The following CEP250 variants were observed in gnomAD, a reference collection of about 807,000 sequenced individuals.
CEP250 encodes the protein centrosomal protein 250, also known as centrosome-associated protein CEP250.
A neutral mutation model predicts 315.7 loss-of-function variants in CEP250; 242 were observed. That is an observed-to-expected ratio of 0.77 (90% CI 0.69 to 0.85). CEP250 has a LOEUF of 0.85. CEP250 is among the 40% of genes least tolerant of loss of function. The probability of loss-of-function intolerance (pLI) is 0.00; values close to 1 mark genes in which losing one functional copy is unlikely to be tolerated. For missense variants in CEP250, 2,515 were observed against 2,886.4 expected (o/e 0.87, Z 2.95); for synonymous variants, 1,088 against 1,175.0 (o/e 0.93, Z 1.51).
upstream of CEP250, chr20:35,455,519 G>A (rs530271010): frequency 7.2e-5 from 11 of 152,464 alleles, no homozygotes; most frequent in East Asian, 1.9e-3. Context: ...CTGGGAGGGT[G>A]AGGCGCCGCG....
At position 35,502,707 on chromosome 20, in the gene CEP250, A is replaced by G. The variant is rs2064045572; in HGVS notation, c.4338A>G (p.Glu1446=). 1 of 1,614,252 alleles carries G rather than the reference A, an allele frequency of 6.2e-7. No individual in the cohort carries two copies. Residue 1446 remains glutamate (E), a synonymous_variant, in exon 30 of 35, where the codon GAA becomes GAG. Transcript: ENST00000397527. ...EVETLRGQIQ[E]LEKQREMQKA... ...AGACTCTGCGGGGACAAATCCAGGA[A>G]CTGGAGAAGCAACGGGAAATGCAGA...
intron 20 of CEP250, among the ~76,000 whole-genome samples, chr20:35,485,460 A>G (rs1263441616): frequency 6.6e-6 from 1 of 151,542 alleles, no homozygotes; most frequent in Non-Finnish European, 1.5e-5. Flanking sequence ...ACATACTATA[A>G]TTTGTTAACC....
chr20:35,496,675 T>TG lies in CEP250; in HGVS notation c.3267dup (p.Gln1090AlafsTer27). The TG allele has an allele frequency of 6.2e-7, 1 of 1,614,094 alleles. No homozygotes were observed. ...GAGCTGAGTGCCCTGCGCCAGGACA[T>TG]GCAGGAGGCCCAGGGAGAACAGAAA... On this transcript the variant is annotated frameshift_variant, in exon 25 of 35. Transcript: ENST00000397527. LOFTEE classifies it high-confidence loss of function.
At chr20:35,509,184 C>T (rs562622633) in intron 33 of CEP250, 140 bp downstream of exon 33, 26 of 683,298 alleles carry the variant, frequency 3.8e-5, no homozygotes, top group African/African-American at 1.6e-4. Context: ...CTGCCCTGCT[C>T]GGCACAGCTC....
Position 35,502,687 on chromosome 20 carries a change from C to T in CEP250, c.4318C>T (p.Leu1440=). The T allele has an allele frequency of 6.2e-7, 1 of 1,614,258 alleles. No homozygotes were observed. The highest frequency in any genetic ancestry group is 8.5e-7 in the Non-Finnish European group (1 of 1,180,046). ...LAEREEEVET[L]RGQIQELEKQ... ...TGAAAGAGAAGAGGAGGTGGAGACT[C>T]TGCGGGGACAAATCCAGGAACTGGA... Residue 1440 remains leucine (L), a synonymous_variant, in exon 30 of 35, where the codon CTG becomes TTG. Coordinates refer to ENST00000397527, the MANE Select transcript of CEP250 (RefSeq NM_007186.6).
intron 20 of CEP250, among the ~76,000 whole-genome samples, chr20:35,483,320 CA>C (rs200289489): frequency 0.044 from 6,546 of 147,844 alleles, 372 homozygotes; most frequent in African/African-American, 0.13. Context: ...AACTCCGTCT[CA>C]AAAAAAAAAA....
rs2063445457 is a variant in CEP250, at chr20:35,484,378, C to T, written c.2586+4233C>T. Reference sequence around the variant, plus strand: ...AAGTTTTTTGACCCACAGTCAGGCCCAGACCCCATGTGCAGCTCAGCTTGT... The same window carrying T: ...AAGTTTTTTGACCCACAGTCAGGCCTAGACCCCATGTGCAGCTCAGCTTGT... On this transcript the variant is annotated intron_variant, in intron 20 of 34. Coordinates refer to ENST00000397527, the MANE Select transcript of CEP250 (RefSeq NM_007186.6). 3.9e-5 allele frequency among the ~76,000 whole-genome samples: 6 copies of T among 152,096 alleles called. No individual in the cohort carries two copies. In the South Asian group the frequency reaches 1.2e-3, roughly 32 times the overall value.
intron 1 of CEP250, among the ~76,000 whole-genome samples, chr20:35,456,130 G>A (rs1160104862): frequency 6.6e-6 from 1 of 152,184 alleles, no homozygotes; most frequent in Non-Finnish European, 1.5e-5. Flanking sequence ...CCCGACCTCA[G>A]GTGATCCGCC....
At chr20:35,508,336 C>A in intron 32 of CEP250, 146 bp downstream of exon 32, 2 of 867,424 alleles carry the variant, frequency 2.3e-6, no homozygotes, top group Non-Finnish European at 3.5e-6. Flanking sequence ...TTTCCCGAGA[C>A]AGAGTCTTGC....
At chr20:35,459,846 A>C (rs1208508800) in intron 2 of CEP250, 137 bp from the exon 3 acceptor site, 1 of 152,100 alleles carries the variant, frequency 6.6e-6, no homozygotes, top group African/African-American at 2.4e-5. Context: ...TGGGATAGGG[A>C]TTCAACAAAG....
Position 35,512,137 on chromosome 20 carries a change from C to T in CEP250, c.*511C>T. 1.4e-6 allele frequency: 1 copy of T among 697,220 alleles called. No individual in the cohort carries two copies. Among genetic ancestry groups the T allele is most frequent in the Non-Finnish European group, 1.8e-6 (1 of 565,424 alleles). The allele number at this position is 697,220 out of a possible 1,614,324, so 43.2% of individuals were successfully genotyped here. On this transcript the variant is annotated 3_prime_UTR_variant, in exon 35 of 35. Transcript: ENST00000397527. Reference sequence around the variant, plus strand: ...TACAGAGAACACACAAGACAAAGCCCCTGTCCACAGACAGCCTACAGTCCA... The same window carrying T: ...TACAGAGAACACACAAGACAAAGCCTCTGTCCACAGACAGCCTACAGTCCA...
At position 35,467,303 on chromosome 20, in the gene CEP250, G is replaced by C; in HGVS notation, c.600-1G>C. ...CTGCTGTTTTCCTTGCTTGTACTCAGAGATCTGATGGAGCTAAAAGCTGAG... is the reference window on the plus strand; with the variant it reads ...CTGCTGTTTTCCTTGCTTGTACTCACAGATCTGATGGAGCTAAAAGCTGAG... On this transcript the variant is annotated splice_acceptor_variant, in intron 8 of 34. Transcript: ENST00000397527. LOFTEE classifies it high-confidence loss of function. 6.2e-7 allele frequency: 1 copy of C among 1,611,166 alleles called. No individual in the cohort carries two copies.
chr20:35,491,240 T>C lies in CEP250; in HGVS notation c.2783T>C (p.Val928Ala), dbSNP rs757755786. 3.1e-6 allele frequency: 5 copies of C among 1,610,204 alleles called. No homozygotes were observed. In the African/African-American group the frequency reaches 5.3e-5, roughly 17 times the overall value. Reference sequence around the variant, plus strand: ...CAGCTGGAAACAGAGAAGGAGAGAGTATCCCTCCTGGAGACACTGCTGCAG... The same window carrying C: ...CAGCTGGAAACAGAGAAGGAGAGAGCATCCCTCCTGGAGACACTGCTGCAG... ...QMQLETEKER[V>A]SLLETLLQTQ... Residue 928 changes from valine to alanine, a missense_variant, in exon 22 of 35, where the codon GTA (valine) becomes GCA (alanine). By Grantham distance (64) the Val-to-Ala change is moderately conservative. Coordinates refer to ENST00000397527, the MANE Select transcript of CEP250 (RefSeq NM_007186.6).
rs557191946 is a variant in CEP250 at position 35,493,675 on chromosome 20, G to A, written c.3033+103G>A. The A allele has an allele frequency of 4.1e-5, 46 of 1,133,446 alleles. No homozygotes were observed. The East Asian group carries it at 1.2e-3, about 29-fold the overall frequency. The allele number at this position is 1,133,446 out of a possible 1,614,324, so 70.2% of individuals were successfully genotyped here. A position where few individuals can be genotyped will look rare whatever the true frequency, so the allele number is the denominator to read the frequency against. On this transcript the variant is annotated intron_variant, in intron 23 of 34. Transcript: ENST00000397527. ...GGGAGAACCTTGGCCCTGCTGCCTGGTTTGGGAGGGTAGATGGGTGGGCCA... is the reference window on the plus strand; with the variant it reads ...GGGAGAACCTTGGCCCTGCTGCCTGATTTGGGAGGGTAGATGGGTGGGCCA...
At chr20:35,489,039 A>T (rs2063606949) in intron 20 of CEP250, among the ~76,000 whole-genome samples, 1 of 152,022 alleles carries the variant, frequency 6.6e-6, no homozygotes, top group African/African-American at 2.4e-5. Context: ...TACAAAAAAA[A>T]TAGCTGGGAG....
chr20:35,462,280 A>G lies in CEP250; in HGVS notation c.-88A>G. On this transcript the variant is annotated 5_prime_UTR_variant, in exon 4 of 35. Coordinates refer to ENST00000397527, the MANE Select transcript of CEP250 (RefSeq NM_007186.6). The stretch of plus-strand genomic sequence containing the variant: ...TGGTCCCCAGTTCAAGAGGAGGTTG[A>G]AGTGGCATGGCAATGGTTAGAGACC... The G allele has an allele frequency of 9.7e-7, 1 of 1,031,708 alleles. No homozygotes were observed. The highest frequency in any genetic ancestry group is 1.4e-6 in the Non-Finnish European group (1 of 709,156). The allele number at this position is 1,031,708 out of a possible 1,614,324, so 63.9% of individuals were successfully genotyped here. A position where few individuals can be genotyped will look rare whatever the true frequency, so the allele number is the denominator to read the frequency against.
chr20:35,493,636 C>T, intron 23 of CEP250, 64 bp downstream of exon 23: 1 of 1,428,378 alleles, frequency 7.0e-7, no homozygotes, highest in East Asian at 2.6e-5. Flanking sequence ...TTTCCCACTT[C>T]CTCTTGCAGG....
chr20:35,490,270 G>A (rs2063648323), intron 20 of CEP250, among the ~76,000 whole-genome samples: 2 of 152,100 alleles, frequency 1.3e-5, no homozygotes, highest in South Asian at 4.1e-4. Flanking sequence ...CGGAGATCGT[G>A]CCACTGCAGT....
Position 35,463,647 on chromosome 20 carries a change from C to G in CEP250, c.243+16C>G. 2 of 1,598,940 alleles carry G rather than the reference C, an allele frequency of 1.3e-6. No individual in the cohort carries two copies. Among genetic ancestry groups the G allele is most frequent in the Non-Finnish European group, 1.7e-6 (2 of 1,172,686 alleles). ...AGCCACTGGAGTGAGTGAGGCTGAG[C>G]TCTCTGCACCCCCTGGGTCCTCAGT... is the stretch of plus-strand genomic sequence containing the variant. On this transcript the variant is annotated intron_variant, in intron 5 of 34. Transcript: ENST00000397527.
Sources: allele counts gnomAD v4.1 joint callset (sites outside exome capture counted in the v4.1 genomes callset), GRCh38; gene constraint gnomAD v4.1.1; transcripts MANE v1.5; gene names NCBI Gene and HGNC (gene_info 2026-07-23, HGNC 2026-07-21).